The following EPN2 variants were observed in gnomAD, a reference collection of about 807,000 sequenced individuals.
EPN2 encodes epsin 2, also known as epsin-2.
In EPN2, 34 loss-of-function variants were observed where a neutral mutation model predicts 61.7. The ratio of observed to expected loss-of-function variants is 0.55; its 90% CI spans 0.42 to 0.73. The LOEUF is 0.73. Among genes scored for constraint, EPN2 ranks in the 30% least tolerant of loss-of-function variants. The pLI, the probability that EPN2 is intolerant of heterozygous loss-of-function variation, is 0.00. For missense variants in EPN2, 714 were observed against 839.2 expected, an observed-to-expected ratio of 0.85 and a Z score of 1.84; for synonymous variants, 349 against 353.6, an observed-to-expected ratio of 0.99 and a Z score of 0.15.
Position 19,334,531 on chromosome 17 carries a change from G to A in EPN2, c.*277G>A. Reference sequence around the variant, plus strand: ...CTTGGACGAGGACGTGGAGTCATCAGTGTTGCCCTTGCCCCTAACCTCAGC... The same window carrying A: ...CTTGGACGAGGACGTGGAGTCATCAATGTTGCCCTTGCCCCTAACCTCAGC... On this transcript the variant is annotated 3_prime_UTR_variant, in exon 11 of 11. Transcript: ENST00000314728. This position sits in a 1 kb window ranked among gnomAD's most constrained non-coding sequence, Gnocchi z 4.9. The A allele has an allele frequency of 9.7e-6, 3 of 309,348 alleles. No individual in the cohort carries two copies. The highest frequency in any genetic ancestry group is 2.1e-5 in the African/African-American group (1 of 46,822). 19.2% of individuals were successfully genotyped at this position (309,348 alleles called of 1,614,324 possible).
chr17:19,333,684 C>T (rs1907266057), intron 10 of EPN2, among the ~76,000 whole-genome samples: 1 of 152,144 alleles, frequency 6.6e-6, no homozygotes, highest in Non-Finnish European at 1.5e-5. Context: ...CCAGGGTGCC[C>T]CGAGATGGGT....
At chr17:19,301,602 T>C (rs905125712) in intron 4 of EPN2, among the ~76,000 whole-genome samples, 2 of 152,230 alleles carry the variant, frequency 1.3e-5, no homozygotes, top group African/African-American at 2.4e-5. Context: ...AAAGCACCTC[T>C]GACGGCTTCT....
chr17:19,312,792 G>A (rs1270644533), intron 6 of EPN2: 1 of 317,416 alleles, frequency 3.2e-6, no homozygotes, highest in Non-Finnish European at 5.9e-6. Context: ...GCTGGCAGGT[G>A]GGAGGGATGG....
chr17:19,313,392 C>T, intron 7 of EPN2, 113 bp downstream of exon 7: 2 of 946,774 alleles, frequency 2.1e-6, no homozygotes, highest in East Asian at 3.1e-5. Context: ...GGTGGGTGTC[C>T]AGGCTCCTCC....
Position 19,334,306 on chromosome 17 carries a change from G to A in EPN2, c.*52G>A. The A allele has an allele frequency of 7.4e-7, 1 of 1,349,664 alleles. No individual in the cohort carries two copies. Among genetic ancestry groups the A allele is most frequent in the Non-Finnish European group, 9.7e-7 (1 of 1,035,152 alleles). The allele number at this position is 1,349,664 out of a possible 1,614,324, so 83.6% of individuals were successfully genotyped here. On this transcript the variant is annotated 3_prime_UTR_variant, in exon 11 of 11. Coordinates refer to ENST00000314728, the MANE Select transcript of EPN2 (RefSeq NM_014964.5). The surrounding 1 kb of genome is among the most constrained non-coding windows in gnomAD (Gnocchi z 4.9). ...CACCTGTGCTGGAGGATGCCGAGCA[G>A]GGACTCTCGTCTGTGGGACGGGATC...
intron 5 of EPN2, among the ~76,000 whole-genome samples, chr17:19,311,565 A>C (rs1334667932): frequency 2.0e-5 from 3 of 152,220 alleles, no homozygotes; most frequent in Non-Finnish European, 2.9e-5. Flanking sequence ...ACTTTGCCTT[A>C]AATAAAGATA....
At chr17:19,323,074 G>A (rs1906716550) in intron 7 of EPN2, among the ~76,000 whole-genome samples, 1 of 152,188 alleles carries the variant, frequency 6.6e-6, no homozygotes, top group South Asian at 2.1e-4. Flanking sequence ...GCTCAGCCAG[G>A]CTGTCACAAG....
intron 7 of EPN2, among the ~76,000 whole-genome samples, chr17:19,320,555 A>G (rs1906592390): frequency 6.6e-6 from 1 of 152,008 alleles, no homozygotes; most frequent in Admixed American, 6.5e-5. Flanking sequence ...TAAAAATCCA[A>G]ATGCTCAGGC....
At chr17:19,311,650 T>G (rs1314758584) in intron 5 of EPN2, among the ~76,000 whole-genome samples, 1 of 152,358 alleles carries the variant, frequency 6.6e-6, no homozygotes, top group East Asian at 1.9e-4. Flanking sequence ...GGTGGAATGA[T>G]ACGTGATTTT....
Position 19,285,687 on chromosome 17 carries a change from G to A in EPN2, c.663G>A (p.Gln221=). Reference sequence around the variant, plus strand: ...CGCTGGGTCAGAGTGAGGAGCTGCAGCCACTGAGCCAGCGCCACCCCTTCC... The same window carrying A: ...CGCTGGGTCAGAGTGAGGAGCTGCAACCACTGAGCCAGCGCCACCCCTTCC... ...GAPLGQSEEL[Q]PLSQRHPFLP... Residue 221 remains glutamine (Q), a synonymous_variant, in exon 4 of 11, where the codon CAG becomes CAA. Coordinates refer to ENST00000314728, the MANE Select transcript of EPN2 (RefSeq NM_014964.5). The surrounding 1 kb of genome is among the most constrained non-coding windows in gnomAD (Gnocchi z 4.5). The A allele has an allele frequency of 1.3e-6, 2 of 1,587,366 alleles. No individual in the cohort carries two copies. Among genetic ancestry groups the A allele is most frequent in the Admixed American group, 3.5e-5 (2 of 56,920 alleles).
chr17:19,239,340 C>T (rs751666495), intron 1 of EPN2, among the ~76,000 whole-genome samples: 1 of 152,132 alleles, frequency 6.6e-6, no homozygotes, highest in Non-Finnish European at 1.5e-5. Flanking sequence ...TTAGTAGAGA[C>T]GGGATTTCGC....
chr17:19,250,838 C>T (rs1329389791), intron 1 of EPN2, among the ~76,000 whole-genome samples: 1 of 147,492 alleles, frequency 6.8e-6, no homozygotes, highest in Non-Finnish European at 1.5e-5. Flanking sequence ...TGCTACTTGC[C>T]CCCCTGCACC....
chr17:19,280,608 C>G (rs1325874086), intron 1 of EPN2, among the ~76,000 whole-genome samples: 1 of 152,152 alleles, frequency 6.6e-6, no homozygotes, highest in African/African-American at 2.4e-5. Flanking sequence ...GGGTTATTAC[C>G]AGGGTGAAAT....
intron 7 of EPN2, among the ~76,000 whole-genome samples, chr17:19,324,037 G>A (rs183047476): frequency 2.0e-5 from 3 of 152,300 alleles, no homozygotes; most frequent in African/African-American, 4.8e-5. Context: ...AAATTTGAGC[G>A]GCACAATCCA....
chr17:19,249,809 C>G (rs1483494804), intron 1 of EPN2, among the ~76,000 whole-genome samples: 1 of 152,132 alleles, frequency 6.6e-6, no homozygotes, highest in Non-Finnish European at 1.5e-5. Context: ...CGACACAGGT[C>G]TTAATGGGCT....
intron 1 of EPN2, among the ~76,000 whole-genome samples, chr17:19,261,469 T>C (rs948660690): frequency 1.3e-5 from 2 of 152,236 alleles, no homozygotes; most frequent in Non-Finnish European, 2.9e-5. Flanking sequence ...TTTTGGAAGG[T>C]TAGTTCATTG....
At chr17:19,277,785 A>T (rs56237923) in intron 1 of EPN2, among the ~76,000 whole-genome samples, 1,628 of 152,188 alleles carry the variant, frequency 0.011, 24 homozygotes, top group African/African-American at 0.035. Flanking sequence ...GAAAATGAAA[A>T]GCTTTGGCCG....
At chr17:19,307,841 C>G (rs1328346774) in intron 4 of EPN2, 1 of 876,516 alleles carries the variant, frequency 1.1e-6, no homozygotes, top group African/African-American at 1.8e-5. Flanking sequence ...GCCTGAATTG[C>G]ATTTAGGCCT....
chr17:19,335,488 CCT>C lies in EPN2; in HGVS notation c.*1237_*1238del. On this transcript the variant is annotated 3_prime_UTR_variant, in exon 11 of 11. Coordinates refer to ENST00000314728, the MANE Select transcript of EPN2 (RefSeq NM_014964.5). The stretch of plus-strand genomic sequence containing the variant: ...CTTTAACCTTGTGTGTCTGTGATCT[CCT>C]CTGTCTTAATCCACGCTCAGGCTAA... 6.5e-7 allele frequency: 1 copy of C among 1,547,570 alleles called. No homozygotes were observed. The highest frequency in any genetic ancestry group is 1.2e-5 in the South Asian group (1 of 83,678).
Sources: allele counts gnomAD v4.1 joint callset (sites outside exome capture counted in the v4.1 genomes callset), GRCh38; gene constraint gnomAD v4.1.1; non-coding constraint Gnocchi (gnomAD v3.1); transcripts MANE v1.5; gene names NCBI Gene and HGNC (gene_info 2026-07-23, HGNC 2026-07-21).